TMEM120B: variants seen among roughly 807,000 people sequenced by gnomAD.
TMEM120B encodes transmembrane protein 120B.
A neutral mutation model predicts 55.5 loss-of-function variants in TMEM120B; 31 were observed. That is an observed-to-expected ratio of 0.56 (90% CI 0.42 to 0.75). The LOEUF (loss-of-function observed/expected upper bound fraction) is 0.75, where lower values mean the gene tolerates loss of function less well. Among genes scored for constraint, TMEM120B ranks in the 30% least tolerant of loss-of-function variants. The pLI is 0.00. For missense variants in TMEM120B, 399 were observed against 425.5 expected (o/e 0.94, Z 0.55); for synonymous variants, 203 against 176.3 (o/e 1.15, Z -1.20).
rs1177514728 is a variant in TMEM120B, at chr12:121,752,133, C to T, written c.371C>T (p.Ala124Val). 3 of 1,613,160 alleles carry T rather than the reference C, an allele frequency of 1.9e-6. No individual in the cohort carries two copies. Among genetic ancestry groups the T allele is most frequent in the Admixed American group, 3.3e-5 (2 of 60,022 alleles). ...GGGCGTGTCTGTCGTGGCAGGTTCG[C>T]CTACAAGGACGAATATGAGAAGTTC... ...VTLLSNQAKF[A>V]YKDEYEKFKL... Residue 124 changes from alanine (A) to valine (V), a missense_variant, in exon 5 of 12, where the codon GCC becomes GTC. Coordinates refer to ENST00000449592, the MANE Select transcript of TMEM120B (RefSeq NM_001080825.2).
chr12:121,741,367 T>C (rs1450309264), intron 1 of TMEM120B, among the ~76,000 whole-genome samples: 1 of 152,186 alleles, frequency 6.6e-6, no homozygotes, highest in Non-Finnish European at 1.5e-5. Flanking sequence ...TTCACTCTTG[T>C]TGCCCAAGCT....
intron 1 of TMEM120B, among the ~76,000 whole-genome samples, chr12:121,728,217 C>T (rs1016140391): frequency 1.3e-5 from 2 of 151,564 alleles, no homozygotes; most frequent in East Asian, 2.0e-4. Context: ...AGGCCGGGCA[C>T]GGTGGCTCAC....
At chr12:121,716,280 C>T (rs555963006) in intron 1 of TMEM120B, among the ~76,000 whole-genome samples, 59 of 150,304 alleles carry the variant, frequency 3.9e-4, no homozygotes, top group Non-Finnish European at 2.7e-4. Flanking sequence ...TGTACTCTAG[C>T]CTGGGTGACA....
intron 1 of TMEM120B, among the ~76,000 whole-genome samples, chr12:121,719,111 G>A (rs1894750306): frequency 6.6e-6 from 1 of 152,170 alleles, no homozygotes; most frequent in African/African-American, 2.4e-5. Flanking sequence ...ACCAGTCACT[G>A]TGGCACTGAT....
chr12:121,742,788 G>T (rs1426184864), intron 1 of TMEM120B, among the ~76,000 whole-genome samples: 1 of 152,044 alleles, frequency 6.6e-6, no homozygotes, highest in Non-Finnish European at 1.5e-5. Context: ...ATGTTGGCCA[G>T]GCTGGTCTCG....
chr12:121,737,043 G>A (rs1895130203), intron 1 of TMEM120B, among the ~76,000 whole-genome samples: 1 of 152,136 alleles, frequency 6.6e-6, no homozygotes, highest in Admixed American at 6.6e-5. Flanking sequence ...AGGAACTTAG[G>A]TGGAAGCCAC....
intron 1 of TMEM120B, among the ~76,000 whole-genome samples, chr12:121,719,701 C>CT (rs199524747): frequency 2.4e-4 from 36 of 149,542 alleles, no homozygotes; most frequent in Admixed American, 6.7e-4. Context: ...ACACTGCATT[C>CT]TTTTTTTTTT....
chr12:121,764,724 G>A (rs1873792915), intron 6 of TMEM120B, among the ~76,000 whole-genome samples: 2 of 152,276 alleles, frequency 1.3e-5, no homozygotes, highest in South Asian at 4.1e-4. Context: ...GAGTTACTCT[G>A]GGCAGCTTTT....
chr12:121,750,389 G>C lies in TMEM120B; in HGVS notation c.315G>C (p.Leu105Phe). The C allele has an allele frequency of 6.2e-7, 1 of 1,612,432 alleles. No individual in the cohort carries two copies. Residue 105 changes from leucine (L) to phenylalanine (F), a missense_variant, in exon 4 of 12, where the codon TTG (leucine) becomes TTC (phenylalanine). By Grantham distance (22) the Leu-to-Phe change is conservative. Transcript: ENST00000449592. Reference sequence around the variant, plus strand: ...AGGTGTTTCCTTCCAGGCTCTACTTGAACCTGGTCCTCGGCAATGTGAACG... The same window carrying C: ...AGGTGTTTCCTTCCAGGCTCTACTTCAACCTGGTCCTCGGCAATGTGAACG... ...AYLPKKNGLY[L>F]NLVLGNVNVT... is the part of the protein sequence containing the mutation.
intron 6 of TMEM120B, among the ~76,000 whole-genome samples, chr12:121,767,076 T>G (rs888484054): frequency 1.3e-5 from 2 of 152,088 alleles, no homozygotes; most frequent in Non-Finnish European, 2.9e-5. Context: ...TGGGACATGC[T>G]GTCCCTACGT....
chr12:121,738,941 C>T (rs1170548463), intron 1 of TMEM120B, among the ~76,000 whole-genome samples: 1 of 152,022 alleles, frequency 6.6e-6, no homozygotes. Context: ...AATCCCAGCA[C>T]TTTGGGAGGC....
At chr12:121,739,960 G>T (rs1047466766) in intron 1 of TMEM120B, among the ~76,000 whole-genome samples, 1 of 151,682 alleles carries the variant, frequency 6.6e-6, no homozygotes, top group Non-Finnish European at 1.5e-5. Context: ...TGTGTTTTTA[G>T]TAGAGATGGG....
At chr12:121,726,907 CAAAAAAAAA>C (rs71305665) in intron 1 of TMEM120B, among the ~76,000 whole-genome samples, 6 of 73,716 alleles carry the variant, frequency 8.1e-5, no homozygotes, top group African/African-American at 2.2e-4. Flanking sequence ...GACTCTGTCT[CAAAAAAAAA>C]AAAAAAAAAA....
intron 1 of TMEM120B, among the ~76,000 whole-genome samples, chr12:121,720,810 G>A (rs1298649891): frequency 2.0e-5 from 3 of 152,202 alleles, no homozygotes; most frequent in African/African-American, 7.2e-5. Flanking sequence ...CCCTATTGCA[G>A]TCTACTGGAC....
chr12:121,752,344 T>G lies in TMEM120B; in HGVS notation c.461+121T>G, dbSNP rs533018655. The G allele has an allele frequency of 1.1e-5, 9 of 783,624 alleles. No homozygotes were observed. In the South Asian group the frequency reaches 1.3e-4, roughly 11 times the overall value. 48.5% of individuals were successfully genotyped at this position (783,624 alleles called of 1,614,324 possible). Reference sequence around the variant, plus strand: ...TTCTGTGTTGTTTGGCATGATGAGGTGTAGGGGAGAGAGGGGCCATTTCTC... The same window carrying G: ...TTCTGTGTTGTTTGGCATGATGAGGGGTAGGGGAGAGAGGGGCCATTTCTC... On this transcript the variant is annotated intron_variant, in intron 5 of 11. Transcript: ENST00000449592.
At chr12:121,746,674 G>T (rs1014832515) in intron 2 of TMEM120B, among the ~76,000 whole-genome samples, 1 of 152,138 alleles carries the variant, frequency 6.6e-6, no homozygotes, top group African/African-American at 2.4e-5. Context: ...TGAGAAGAAG[G>T]CCGGGCGTGG....
chr12:121,770,091 C>T (rs867848528), intron 6 of TMEM120B, among the ~76,000 whole-genome samples: 11 of 152,064 alleles, frequency 7.2e-5, no homozygotes, highest in Admixed American at 6.6e-4. Context: ...TGGGTGAGCC[C>T]GCTGGGTGTA....
At chr12:121,753,464 A>G (rs936443893) in intron 5 of TMEM120B, among the ~76,000 whole-genome samples, 1 of 152,052 alleles carries the variant, frequency 6.6e-6, no homozygotes. Context: ...CCAGCTACCC[A>G]AGAGGTTGAG....
intron 3 of TMEM120B, among the ~76,000 whole-genome samples, chr12:121,749,355 C>T (rs1487320942): frequency 5.3e-5 from 8 of 152,192 alleles, no homozygotes; most frequent in Non-Finnish European, 5.9e-5. Context: ...CTCTTAACCT[C>T]AGTTGGGAAT....
Sources: allele counts gnomAD v4.1 joint callset (sites outside exome capture counted in the v4.1 genomes callset), GRCh38; gene constraint gnomAD v4.1.1; transcripts MANE v1.5; gene names NCBI Gene and HGNC (gene_info 2026-07-23, HGNC 2026-07-21).